Variants in GOSR1 observed in about 807,000 individuals in gnomAD.
The protein encoded by GOSR1 is 28 kDa Golgi SNARE protein.
GOSR1 carries 21 observed loss-of-function variants against 35.5 expected under a neutral mutation model. The observed-to-expected ratio is 0.59, with a 90% confidence interval of 0.42 to 0.85. GOSR1 has a LOEUF of 0.85. Ranked by LOEUF, GOSR1 falls within the 40% of genes least tolerant of loss-of-function variation. The pLI is 0.00. For synonymous variants in GOSR1, 94 were observed against 106.6 expected (o/e 0.88, Z 0.73); for missense variants, 285 against 309.6 (o/e 0.92, Z 0.60).
intron 7 of GOSR1, among the ~76,000 whole-genome samples, chr17:30,519,143 C>T (rs191986636): frequency 2.6e-5 from 4 of 152,034 alleles, no homozygotes; most frequent in Non-Finnish European, 4.4e-5. Flanking sequence ...TCGCTGTAGC[C>T]CCCCCCTCCT....
At position 30,477,408 on chromosome 17, in the gene GOSR1, A is replaced by C; in HGVS notation, c.-26A>C. 4 of 1,606,484 alleles carry C rather than the reference A, an allele frequency of 2.5e-6. No homozygotes were observed. Among genetic ancestry groups the C allele is most frequent in the Non-Finnish European group, 3.4e-6 (4 of 1,175,382 alleles). ...CGGCCTGCATCGCCTCTGCTCCCCT[A>C]TCCCGGCTGACGTTGGACGACAAAG... On this transcript the variant is annotated 5_prime_UTR_variant, in exon 1 of 9. Transcript: ENST00000451249.
chr17:30,523,323 T>G lies in GOSR1; in HGVS notation c.*945T>G, dbSNP rs1431153393. On this transcript the variant is annotated 3_prime_UTR_variant, in exon 9 of 9. Coordinates refer to ENST00000451249, the MANE Select transcript of GOSR1 (RefSeq NM_001007025.2). ...CTGCCCCGCCGCCCCGTCTGGGATG[T>G]GAGGAGCTCCTCTGCCCGGCCGCGA... 5.6e-6 allele frequency: 1 copy of G among 179,090 alleles called. No homozygotes were observed. Among genetic ancestry groups the G allele is most frequent in the Non-Finnish European group, 1.2e-5 (1 of 86,706 alleles). The allele number at this position is 179,090 out of a possible 1,614,324, so 11.1% of individuals were successfully genotyped here. A position where few individuals can be genotyped will look rare whatever the true frequency, so the allele number is the denominator to read the frequency against.
intron 7 of GOSR1, among the ~76,000 whole-genome samples, chr17:30,518,279 C>T (rs1467178939): frequency 6.6e-6 from 1 of 152,088 alleles, no homozygotes; most frequent in Non-Finnish European, 1.5e-5. Flanking sequence ...ACCTGGCTTT[C>T]TTCCCTGGAG....
At chr17:30,498,795 G>C (rs1967094640) in intron 6 of GOSR1, among the ~76,000 whole-genome samples, 1 of 152,196 alleles carries the variant, frequency 6.6e-6, no homozygotes, top group Non-Finnish European at 1.5e-5. Flanking sequence ...CAGTGGGGGG[G>C]CTCTGAGTGT....
At chr17:30,513,758 A>C (rs564793013) in intron 7 of GOSR1, among the ~76,000 whole-genome samples, 12 of 152,238 alleles carry the variant, frequency 7.9e-5, no homozygotes, top group African/African-American at 2.6e-4. Context: ...CGAGTCAGCC[A>C]GAGCAACATA....
chr17:30,494,765 A>C (rs1409661977), intron 6 of GOSR1, among the ~76,000 whole-genome samples: 1 of 150,896 alleles, frequency 6.6e-6, no homozygotes, highest in Non-Finnish European at 1.5e-5. Flanking sequence ...CTGCCACTAC[A>C]CCCAGCTAAC....
At chr17:30,487,324 A>C (rs928920931) in intron 4 of GOSR1, among the ~76,000 whole-genome samples, 1 of 152,182 alleles carries the variant, frequency 6.6e-6, no homozygotes, top group Non-Finnish European at 1.5e-5. Flanking sequence ...AAATGGATCC[A>C]AGAAGGATAG....
intron 8 of GOSR1, among the ~76,000 whole-genome samples, chr17:30,521,556 G>A (rs1436680258): frequency 6.6e-6 from 1 of 150,474 alleles, no homozygotes; most frequent in Admixed American, 6.6e-5. Context: ...AAGTCACATG[G>A]GAATTTTACA....
chr17:30,511,881 A>G (rs1967627493), intron 7 of GOSR1, among the ~76,000 whole-genome samples: 2 of 152,196 alleles, frequency 1.3e-5, no homozygotes, highest in Non-Finnish European at 2.9e-5. Context: ...AGTACTTTGC[A>G]TGCATTATTT....
intron 6 of GOSR1, among the ~76,000 whole-genome samples, chr17:30,499,747 C>T (rs1175779077): frequency 6.6e-6 from 1 of 152,148 alleles, no homozygotes; most frequent in Admixed American, 6.5e-5. Context: ...AGTGGTTATA[C>T]CATTTTTGCA....
At chr17:30,509,265 G>A (rs1337464975) in intron 6 of GOSR1, among the ~76,000 whole-genome samples, 2 of 151,576 alleles carry the variant, frequency 1.3e-5, no homozygotes, top group East Asian at 1.9e-4. Context: ...GTGAGCCACC[G>A]TGCCCAGCTA....
At chr17:30,481,047 A>G (rs1914310690) in intron 1 of GOSR1, 96 bp from the exon 2 acceptor site, 8 of 793,086 alleles carry the variant, frequency 1.0e-5, no homozygotes, top group Non-Finnish European at 4.4e-6. Flanking sequence ...AGATCAGTAT[A>G]TGATCATTTT....
chr17:30,520,513 T>C (rs191492738), intron 8 of GOSR1: 1 of 152,348 alleles, frequency 6.6e-6, no homozygotes, highest in Admixed American at 6.5e-5. Flanking sequence ...TAGGATACAT[T>C]CTCCACTTGT....
chr17:30,478,219 C>G (rs931477978), intron 1 of GOSR1, among the ~76,000 whole-genome samples: 1 of 152,186 alleles, frequency 6.6e-6, no homozygotes, highest in Non-Finnish European at 1.5e-5. Context: ...AAAACTCATT[C>G]GTGGATTATG....
chr17:30,485,192 C>A, intron 4 of GOSR1: 1 of 210,778 alleles, frequency 4.7e-6, no homozygotes, highest in Non-Finnish European at 9.8e-6. Context: ...AATGTGTATG[C>A]ACCAATAAAA....
At chr17:30,495,047 G>A (rs899161782) in intron 6 of GOSR1, among the ~76,000 whole-genome samples, 1 of 151,694 alleles carries the variant, frequency 6.6e-6, no homozygotes, top group Admixed American at 6.6e-5. Flanking sequence ...AATTAGCCGG[G>A]TATGGTGGTG....
intron 6 of GOSR1, among the ~76,000 whole-genome samples, chr17:30,493,895 T>C (rs182859926): frequency 6.6e-6 from 1 of 152,222 alleles, no homozygotes; most frequent in Admixed American, 6.5e-5. Flanking sequence ...TTTACTATTA[T>C]ACACAGTAAA....
chr17:30,502,552 A>G (rs906067691), intron 6 of GOSR1, among the ~76,000 whole-genome samples: 2 of 152,126 alleles, frequency 1.3e-5, no homozygotes, highest in African/African-American at 2.4e-5. Flanking sequence ...CTCAGCTTTT[A>G]TTTTTTTATT....
At chr17:30,521,604 CA>C (rs1156385443) in intron 8 of GOSR1, among the ~76,000 whole-genome samples, 1 of 148,194 alleles carries the variant, frequency 6.7e-6, no homozygotes, top group Non-Finnish European at 1.5e-5. Context: ...AAAAAAAAAT[CA>C]AAAAAAATGG....
Sources: gnomAD v4.1 joint callset for allele counts (sites outside exome capture counted in the v4.1 genomes callset) on GRCh38, gnomAD v4.1.1 for gene constraint, MANE v1.5 for transcripts, NCBI Gene and HGNC (gene_info 2026-07-23, HGNC 2026-07-21) for gene names.